Variants in NAV2 observed in about 807,000 individuals in gnomAD.
The protein encoded by NAV2 is neuron navigator 2.
A neutral mutation model predicts 223.2 loss-of-function variants in NAV2; 54 were observed. The ratio of observed to expected loss-of-function variants is 0.24; its 90% CI spans 0.19 to 0.30. NAV2 has a LOEUF of 0.30. Among genes scored for constraint, NAV2 ranks in the 10% least tolerant of loss-of-function variants. The pLI is 1.00. For missense variants in NAV2, 2,806 were observed against 3,147.5 expected (o/e 0.89, Z 2.60); for synonymous variants, 1,279 against 1,239.3 (o/e 1.03, Z -0.67).
At chr11:19,587,712 C>T (rs1364926220) in intron 1 of NAV2, among the ~76,000 whole-genome samples, 1 of 152,162 alleles carries the variant, frequency 6.6e-6, no homozygotes, top group Non-Finnish European at 1.5e-5. Flanking sequence ...AAAGACATTT[C>T]CAGACCAAAG....
chr11:19,575,807 C>G (rs1324143057), intron 1 of NAV2, among the ~76,000 whole-genome samples: 1 of 152,156 alleles, frequency 6.6e-6, no homozygotes, highest in Non-Finnish European at 1.5e-5. Flanking sequence ...TTTGGCATCT[C>G]ATTCATTCAG....
At chr11:19,980,103 A>G (rs1264192436) in intron 10 of NAV2, among the ~76,000 whole-genome samples, 3 of 152,176 alleles carry the variant, frequency 2.0e-5, no homozygotes, top group East Asian at 3.9e-4. Context: ...TGGGTCTAAC[A>G]ACAGTCATGT....
intron 1 of NAV2, among the ~76,000 whole-genome samples, chr11:19,582,936 A>G (rs1056184223): frequency 3.3e-5 from 5 of 152,140 alleles, no homozygotes; most frequent in Middle Eastern, 3.2e-3. Flanking sequence ...AGCTTGATGG[A>G]GATGGCATTG....
rs2048925812 is a variant in NAV2 at position 19,683,213 on chromosome 11, C to T, written c.76-149271C>T. Among the ~76,000 whole-genome samples, 7 of 152,154 alleles carry T rather than the reference C, an allele frequency of 4.6e-5. 1 individual carries two copies. The South Asian group carries it at 1.5e-3, about 32-fold the overall frequency. On this transcript the variant is annotated intron_variant, in intron 1 of 37. Coordinates refer to the NAV2 transcript ENST00000360655. ...TTGGGAAGTCATCAGTGGCCTTCTT[C>T]TGGGACACATGTAAGCCTGTTTGAA...
At chr11:19,596,135 C>A (rs773318382) in intron 1 of NAV2, among the ~76,000 whole-genome samples, 2 of 152,146 alleles carry the variant, frequency 1.3e-5, no homozygotes, top group Non-Finnish European at 2.9e-5. Context: ...CTCTAAAATT[C>A]TATTTTATAG....
At chr11:19,394,086 T>C (rs1008372037) in intron 1 of NAV2, among the ~76,000 whole-genome samples, 1 of 152,106 alleles carries the variant, frequency 6.6e-6, no homozygotes, top group Admixed American at 6.5e-5. Context: ...GGAAACATCA[T>C]AGGTCTCTTC....
intron 19 of NAV2, among the ~76,000 whole-genome samples, chr11:20,061,277 TAAG>T (rs1166790810): frequency 6.6e-6 from 1 of 151,954 alleles, no homozygotes; most frequent in Non-Finnish European, 1.5e-5. Flanking sequence ...GAACAAATAA[TAAG>T]ATGTCTTGGC....
At chr11:19,891,365 GC>G (rs2041483906) in intron 5 of NAV2, among the ~76,000 whole-genome samples, 2 of 152,176 alleles carry the variant, frequency 1.3e-5, no homozygotes, top group South Asian at 4.1e-4. Context: ...ATTGGAAACA[GC>G]CTGCTTAGTA....
chr11:19,651,387 G>A (rs1420323338), intron 1 of NAV2, among the ~76,000 whole-genome samples: 1 of 152,222 alleles, frequency 6.6e-6, no homozygotes, highest in African/African-American at 2.4e-5. Context: ...TTGGGACAGA[G>A]GCATGGAGAA....
intron 1 of NAV2, among the ~76,000 whole-genome samples, chr11:19,403,304 C>T (rs1849763213): frequency 1.3e-5 from 2 of 152,150 alleles, no homozygotes; most frequent in African/African-American, 2.4e-5. Flanking sequence ...TGGAGGTCAG[C>T]ATGCCCCAGG....
intron 1 of NAV2, among the ~76,000 whole-genome samples, chr11:19,784,966 A>C (rs565642047): frequency 6.6e-6 from 1 of 152,300 alleles, no homozygotes; most frequent in African/African-American, 2.4e-5. Context: ...AGGATATACA[A>C]GGTGGATTAA....
rs1329001446 is a variant in NAV2 at position 19,868,968 on chromosome 11, G to C, written c.482G>C (p.Gly161Ala). ...TGCTTGAATTTCCTGGCAGCTAAGG[G>C]AATAAACATCCAGGGGCTGTCTGCA... is the stretch of plus-strand genomic sequence containing the variant. ...DACLNFLAAK[G>A]INIQGLSAEE... is the part of the protein sequence containing the mutation. Residue 161 changes from glycine (G) to alanine (A), a missense_variant, in exon 4 of 38, where the codon GGA (glycine) becomes GCA (alanine). Transcript: ENST00000349880. 6.2e-7 allele frequency: 1 copy of C among 1,614,006 alleles called. No homozygotes were observed. The highest frequency in any genetic ancestry group is 8.5e-7 in the Non-Finnish European group (1 of 1,179,948).
chr11:19,879,732 A>T (rs2063080807), intron 4 of NAV2, 137 bp from the exon 5 acceptor site: 1 of 999,634 alleles, frequency 1.0e-6, no homozygotes, highest in Non-Finnish European at 1.5e-6. Context: ...CCTGATTTTA[A>T]TTGCCTGTGA....
chr11:19,474,676 C>T (rs1319107091), intron 1 of NAV2, among the ~76,000 whole-genome samples: 1 of 152,094 alleles, frequency 6.6e-6, no homozygotes, highest in Non-Finnish European at 1.5e-5. Flanking sequence ...GGATTATTTG[C>T]ACAGTTAAAA....
rs61877815 is a variant in NAV2, at chr11:19,512,479, C to T, written c.75+161452C>T. Among the ~76,000 whole-genome samples, 481 of 152,190 alleles carry T rather than the reference C, an allele frequency of 3.2e-3. 2 individuals carry two copies. Among genetic ancestry groups the T allele is most frequent in the South Asian group, 0.012 (59 of 4,816 alleles). On this transcript the variant is annotated intron_variant, in intron 1 of 37. Coordinates refer to the NAV2 transcript ENST00000360655. ...AGAACCAGAGAGGGAGGCTAGATGA[C>T]GGGGAGGGAGGCAGGGAAAAAATTA...
At chr11:19,631,485 C>T (rs2047343942) in intron 1 of NAV2, among the ~76,000 whole-genome samples, 1 of 152,166 alleles carries the variant, frequency 6.6e-6, no homozygotes, top group Non-Finnish European at 1.5e-5. Context: ...GAAAGCACAA[C>T]AAGTGTTTTT....
intron 1 of NAV2, among the ~76,000 whole-genome samples, chr11:19,508,242 C>A (rs942658540): frequency 1.3e-5 from 2 of 152,180 alleles, no homozygotes; most frequent in South Asian, 4.2e-4. Flanking sequence ...GCAACTCCTA[C>A]CCTGACCTGA....
chr11:19,607,376 C>T (rs2046507514), intron 1 of NAV2, among the ~76,000 whole-genome samples: 2 of 152,210 alleles, frequency 1.3e-5, no homozygotes, highest in African/African-American at 4.8e-5. Flanking sequence ...CTCTGTTCCA[C>T]CTTGCCATCA....
intron 1 of NAV2, among the ~76,000 whole-genome samples, chr11:19,638,041 G>T (rs774063870): frequency 4.6e-5 from 7 of 152,148 alleles, no homozygotes; most frequent in Non-Finnish European, 1.0e-4. Context: ...ACCTTAGGAG[G>T]TATATATTGA....
Sources: gnomAD v4.1 joint callset for allele counts (sites outside exome capture counted in the v4.1 genomes callset) on GRCh38, gnomAD v4.1.1 for gene constraint, MANE v1.5 for transcripts, NCBI Gene and HGNC (gene_info 2026-07-23, HGNC 2026-07-21) for gene names.